OTUD7A: variants seen among roughly 807,000 people sequenced by gnomAD.
OTUD7A encodes the protein OTU domain-containing protein 7A.
Under a neutral mutation model 65.7 loss-of-function variants are expected in OTUD7A, and 12 were observed. The ratio of observed to expected loss-of-function variants is 0.18; its 90% CI spans 0.12 to 0.30. The LOEUF (loss-of-function observed/expected upper bound fraction) is 0.30. Among genes scored for constraint, OTUD7A ranks in the 10% least tolerant of loss-of-function variants. OTUD7A has a pLI of 1.00. For synonymous variants in OTUD7A, 641 were observed against 586.3 expected (o/e 1.09, Z -1.35); for missense variants, 1,148 against 1,304.8 (o/e 0.88, Z 1.85).
At chr15:31,519,279 C>G (rs1169946011) in intron 8 of OTUD7A, among the ~76,000 whole-genome samples, 1 of 152,172 alleles carries the variant, frequency 6.6e-6, no homozygotes, top group Non-Finnish European at 1.5e-5. Flanking sequence ...GGTTTTTGTT[C>G]TTAATTCTGT....
chr15:31,742,867 C>T (rs1894380047), intron 1 of OTUD7A, among the ~76,000 whole-genome samples: 1 of 151,924 alleles, frequency 6.6e-6, no homozygotes, highest in African/African-American at 2.4e-5. Context: ...AAAAGTATTA[C>T]CAGAGATAAA....
chr15:31,663,122 G>A (rs1281183272), intron 1 of OTUD7A, among the ~76,000 whole-genome samples: 1 of 148,674 alleles, frequency 6.7e-6, no homozygotes, highest in Non-Finnish European at 1.5e-5. Flanking sequence ...CTTGATTAAT[G>A]CATTCAATAT....
chr15:31,820,684 T>C (rs1896656940), intron 1 of OTUD7A, among the ~76,000 whole-genome samples: 1 of 152,236 alleles, frequency 6.6e-6, no homozygotes, highest in South Asian at 2.1e-4. Context: ...GATCCAGTGG[T>C]TGGCTGCCCA....
At chr15:31,631,975 T>C (rs931768582) in intron 3 of OTUD7A, among the ~76,000 whole-genome samples, 25 of 152,232 alleles carry the variant, frequency 1.6e-4, no homozygotes, top group African/African-American at 5.8e-4. Context: ...TTGATTATTC[T>C]AGTTATCCAT....
chr15:31,602,137 C>A (rs140677008), intron 3 of OTUD7A, among the ~76,000 whole-genome samples: 3,934 of 152,206 alleles, frequency 0.026, 79 homozygotes, highest in Middle Eastern at 0.061. Context: ...CAAAACCTGG[C>A]AAAGACACAA....
Position 31,487,565 on chromosome 15 carries a change from G to A in OTUD7A, c.1173C>T (p.Ala391=), listed in dbSNP as rs759251737. ...MEQRDQQREQ[A]VIPLTDSEHK... is the part of the protein sequence containing the mutation. ...GCTCAGAATCCGTCAGGGGGATCAC[G>A]GCTGGAACAGAAGAGACAGAGCCGT... Residue 391 remains alanine (A), a splice_region_variant and synonymous_variant, in exon 11 of 13, where the codon GCC becomes GCT. Transcript: ENST00000307050. This position sits in a 1 kb window ranked among gnomAD's most constrained non-coding sequence, Gnocchi z 6.0. 2.8e-5 allele frequency: 45 copies of A among 1,612,556 alleles called. 1 individual carries two copies. The South Asian group carries it at 3.6e-4, about 13-fold the overall frequency.
At chr15:31,803,357 C>A (rs1419959127) in intron 1 of OTUD7A, among the ~76,000 whole-genome samples, 1 of 152,166 alleles carries the variant, frequency 6.6e-6, no homozygotes, top group African/African-American at 2.4e-5. Context: ...TCATTTCTTA[C>A]CTATTCACAA....
chr15:31,823,023 G>C (rs1896722847), intron 1 of OTUD7A, among the ~76,000 whole-genome samples: 1 of 152,208 alleles, frequency 6.6e-6, no homozygotes, highest in African/African-American at 2.4e-5. Context: ...GCATTTCAAG[G>C]GGTTGGAGAA....
At chr15:31,844,522 C>T (rs1292724745) in intron 1 of OTUD7A, among the ~76,000 whole-genome samples, 1 of 152,188 alleles carries the variant, frequency 6.6e-6, no homozygotes, top group East Asian at 1.9e-4. Flanking sequence ...ATAAGAATCA[C>T]ACACTGGTTC....
At chr15:31,807,135 T>A (rs1199246656) in intron 1 of OTUD7A, among the ~76,000 whole-genome samples, 4 of 152,258 alleles carry the variant, frequency 2.6e-5, no homozygotes, top group Non-Finnish European at 5.9e-5. Context: ...AGTCTTTTTA[T>A]AAACATGGCC....
chr15:31,721,455 G>A (rs1893738386), intron 1 of OTUD7A, among the ~76,000 whole-genome samples: 1 of 151,554 alleles, frequency 6.6e-6, no homozygotes, highest in Non-Finnish European at 1.5e-5. Context: ...GGTGGCTTAG[G>A]TGATTAATTT....
intron 1 of OTUD7A, among the ~76,000 whole-genome samples, chr15:31,776,845 T>A (rs1895394861): frequency 6.6e-6 from 1 of 152,152 alleles, no homozygotes; most frequent in Non-Finnish European, 1.5e-5. Context: ...GGAGGCTTGC[T>A]ATCTAATAGG....
intron 3 of OTUD7A, among the ~76,000 whole-genome samples, chr15:31,624,906 T>C (rs1481477361): frequency 6.6e-6 from 1 of 152,152 alleles, no homozygotes; most frequent in South Asian, 2.1e-4. Context: ...CCCTCCAAGA[T>C]AGCCCCCAAG....
chr15:31,517,046 A>T (rs2041869090), intron 8 of OTUD7A, among the ~76,000 whole-genome samples: 1 of 152,198 alleles, frequency 6.6e-6, no homozygotes, highest in Non-Finnish European at 1.5e-5. Context: ...AAAAAACTAG[A>T]CACAGGCCAG....
intron 1 of OTUD7A, among the ~76,000 whole-genome samples, chr15:31,680,930 C>T (rs1892698844): frequency 6.6e-6 from 1 of 150,606 alleles, no homozygotes; most frequent in Non-Finnish European, 1.5e-5. Context: ...TGTGAATCCA[C>T]TTCCCCATCA....
chr15:31,667,270 A>T (rs188773048), intron 1 of OTUD7A, among the ~76,000 whole-genome samples: 32 of 152,106 alleles, frequency 2.1e-4, no homozygotes, highest in African/African-American at 6.5e-4. Context: ...CTCATTTCTT[A>T]GGTCTATTAG....
intron 1 of OTUD7A, among the ~76,000 whole-genome samples, chr15:31,786,087 C>A (rs1895665669): frequency 1.3e-5 from 2 of 152,098 alleles, no homozygotes; most frequent in African/African-American, 2.4e-5. Flanking sequence ...GCACGCTCAG[C>A]CCTCTCGCCA....
At chr15:31,553,286 A>G (rs1300951900) in intron 5 of OTUD7A, among the ~76,000 whole-genome samples, 1 of 151,690 alleles carries the variant, frequency 6.6e-6, no homozygotes, top group Non-Finnish European at 1.5e-5. Flanking sequence ...AGCCCTCAAT[A>G]CTGTAGGGCC....
chr15:31,532,193 C>T (rs932770230), intron 5 of OTUD7A, among the ~76,000 whole-genome samples: 1 of 152,142 alleles, frequency 6.6e-6, no homozygotes, highest in Non-Finnish European at 1.5e-5. Flanking sequence ...GATATGAAAA[C>T]TGAGATGACA....
Sources: allele counts gnomAD v4.1 joint callset (sites outside exome capture counted in the v4.1 genomes callset), GRCh38; gene constraint gnomAD v4.1.1; non-coding constraint Gnocchi (gnomAD v3.1); transcripts MANE v1.5; gene names NCBI Gene and HGNC (gene_info 2026-07-23, HGNC 2026-07-21).